Variants in ADAMTSL1 observed in about 807,000 individuals in gnomAD.
ADAMTSL1 encodes the protein ADAMTS-like protein 1.
ADAMTSL1 carries 126 observed loss-of-function variants against 201.8 expected under a neutral mutation model. That is an observed-to-expected ratio of 0.62 (90% CI 0.54 to 0.72). The LOEUF (loss-of-function observed/expected upper bound fraction) is 0.72, where lower values mean the gene tolerates loss of function less well. Among genes scored for constraint, ADAMTSL1 ranks in the 30% least tolerant of loss-of-function variants. The pLI, the probability that ADAMTSL1 is intolerant of heterozygous loss-of-function variation, is 0.00. For synonymous variants in ADAMTSL1, 1,121 were observed against 903.4 expected, an observed-to-expected ratio of 1.24 and a Z score of -4.32; for missense variants, 2,679 against 2,277.8, an observed-to-expected ratio of 1.18 and a Z score of -3.59.
intron 23 of ADAMTSL1, among the ~76,000 whole-genome samples, chr9:18,849,159 A>T (rs1044894615): frequency 6.6e-5 from 10 of 152,300 alleles, no homozygotes; most frequent in African/African-American, 2.4e-4. Context: ...GGTCCTGGGG[A>T]TAGAAGAGGC....
rs7852445 is a variant in ADAMTSL1, at chr9:18,203,456, T to G, written c.207+39475T>G. On this transcript the variant is annotated intron_variant, in intron 2 of 29. Coordinates refer to the ADAMTSL1 transcript ENST00000680146. ...GGTCTATGTAATAGAGGAGATTGAC[T>G]AGTATAGAAAGGCAGGCAGATAACT... 5.5e-3 allele frequency among the ~76,000 whole-genome samples: 828 copies of G among 151,558 alleles called. 12 individuals carry two copies. The highest frequency in any genetic ancestry group is 0.018 in the African/African-American group (760 of 41,290).
intron 2 of ADAMTSL1, among the ~76,000 whole-genome samples, chr9:18,205,069 A>G (rs546523489): frequency 5.9e-5 from 9 of 152,236 alleles, no homozygotes; most frequent in African/African-American, 2.2e-4. Context: ...AGCCACCAGG[A>G]TAAGTTCTGG....
At chr9:18,808,239 C>G (rs890087441) in intron 20 of ADAMTSL1, among the ~76,000 whole-genome samples, 19 of 152,314 alleles carry the variant, frequency 1.2e-4, no homozygotes, top group African/African-American at 4.6e-4. Flanking sequence ...TGTACCCTGT[C>G]ACCTGAGATT....
intron 4 of ADAMTSL1, among the ~76,000 whole-genome samples, chr9:18,594,684 T>C (rs1162636040): frequency 6.6e-6 from 1 of 152,212 alleles, no homozygotes; most frequent in Non-Finnish European, 1.5e-5. Flanking sequence ...ATTTCTCTAT[T>C]TAATTTCTCT....
chr9:18,083,072 G>A (rs925434922), intron 1 of ADAMTSL1, among the ~76,000 whole-genome samples: 9 of 152,192 alleles, frequency 5.9e-5, no homozygotes, highest in African/African-American at 1.9e-4. Context: ...TTGCAATAGC[G>A]TTATAGAGGA....
intron 2 of ADAMTSL1, among the ~76,000 whole-genome samples, chr9:18,394,353 C>T (rs539092156): frequency 6.6e-6 from 1 of 152,170 alleles, no homozygotes; most frequent in Non-Finnish European, 1.5e-5. Flanking sequence ...CACAGCACTG[C>T]TTTTTGGTCC....
At chr9:18,305,088 C>T (rs867350262) in intron 2 of ADAMTSL1, among the ~76,000 whole-genome samples, 12 of 152,060 alleles carry the variant, frequency 7.9e-5, no homozygotes, top group South Asian at 4.1e-4. Context: ...ATTGCCTCAC[C>T]GGGAAAGTAC....
chr9:18,318,343 G>T (rs1464850565), intron 2 of ADAMTSL1, among the ~76,000 whole-genome samples: 1 of 152,108 alleles, frequency 6.6e-6, no homozygotes, highest in Non-Finnish European at 1.5e-5. Flanking sequence ...TCAAACTGTG[G>T]TCTGTGTCTG....
At chr9:17,944,284 A>G (rs1327290554) in intron 1 of ADAMTSL1, among the ~76,000 whole-genome samples, 1 of 152,184 alleles carries the variant, frequency 6.6e-6, no homozygotes, top group Non-Finnish European at 1.5e-5. Context: ...TTCAAGGAGA[A>G]CTACAAACCA....
Position 18,174,411 on chromosome 9 carries a change from T to A in ADAMTSL1, c.207+10430T>A, listed in dbSNP as rs189851147. Among the ~76,000 whole-genome samples, 14 of 152,188 alleles carry A rather than the reference T, an allele frequency of 9.2e-5. 1 individual carries two copies. Among genetic ancestry groups the A allele is most frequent in the Admixed American group, 5.2e-4 (8 of 15,294 alleles). On this transcript the variant is annotated intron_variant, in intron 2 of 29. Transcript: ENST00000680146. ...GAACAAGGTCATTTGGCATCAGAGGTCTGCACAGAGGGGTGCTGAGTAGAA... is the reference window on the plus strand; with the variant it reads ...GAACAAGGTCATTTGGCATCAGAGGACTGCACAGAGGGGTGCTGAGTAGAA...
chr9:18,271,379 A>G (rs1832358637), intron 2 of ADAMTSL1, among the ~76,000 whole-genome samples: 1 of 151,864 alleles, frequency 6.6e-6, no homozygotes, highest in South Asian at 2.1e-4. Context: ...CCTGTGTCCA[A>G]GTGTTCTCAT....
chr9:18,453,173 G>A (rs1443004056), intron 2 of ADAMTSL1, among the ~76,000 whole-genome samples: 1 of 152,200 alleles, frequency 6.6e-6, no homozygotes, highest in Non-Finnish European at 1.5e-5. Context: ...CAGAGCAGTA[G>A]GATGAGCCTC....
At chr9:18,117,485 A>G (rs1315393402) in intron 1 of ADAMTSL1, among the ~76,000 whole-genome samples, 2 of 152,104 alleles carry the variant, frequency 1.3e-5, no homozygotes, top group Non-Finnish European at 2.9e-5. Context: ...AGATACACCC[A>G]AGACAAATTC....
chr9:18,203,292 C>G (rs1031245962), intron 2 of ADAMTSL1, among the ~76,000 whole-genome samples: 2 of 152,022 alleles, frequency 1.3e-5, no homozygotes, highest in African/African-American at 2.4e-5. Flanking sequence ...CGCTTCTGCC[C>G]AGACATGAGT....
At chr9:18,488,656 C>T (rs1366303404) in intron 1 of ADAMTSL1, among the ~76,000 whole-genome samples, 2 of 152,182 alleles carry the variant, frequency 1.3e-5, no homozygotes, top group African/African-American at 2.4e-5. Context: ...ACAAGTCATG[C>T]AACCTACTCA....
chr9:18,356,941 A>G (rs1482408186), intron 2 of ADAMTSL1, among the ~76,000 whole-genome samples: 1 of 152,146 alleles, frequency 6.6e-6, no homozygotes, highest in Non-Finnish European at 1.5e-5. Flanking sequence ...TCCTAGTACA[A>G]CTTGTCCTGG....
chr9:18,076,336 T>A (rs1823223277), intron 1 of ADAMTSL1, among the ~76,000 whole-genome samples: 1 of 152,344 alleles, frequency 6.6e-6, no homozygotes, highest in Non-Finnish European at 1.5e-5. Flanking sequence ...GTCTAGGTAT[T>A]GTCCTCCTCG....
intron 1 of ADAMTSL1, among the ~76,000 whole-genome samples, chr9:17,962,918 C>T (rs185767554): frequency 1.5e-3 from 235 of 152,306 alleles, no homozygotes; most frequent in African/African-American, 5.2e-3. Context: ...GGTTGGTATT[C>T]AGGGAGCCAC....
intron 23 of ADAMTSL1, among the ~76,000 whole-genome samples, chr9:18,833,460 C>T (rs1588191592): frequency 1.3e-5 from 2 of 152,076 alleles, no homozygotes; most frequent in Admixed American, 6.6e-5. Context: ...TAATCAGTGA[C>T]GTTGAGTTTT....
Sources: allele counts gnomAD v4.1 joint callset (sites outside exome capture counted in the v4.1 genomes callset), GRCh38; gene constraint gnomAD v4.1.1; transcripts MANE v1.5; gene names NCBI Gene and HGNC (gene_info 2026-07-23, HGNC 2026-07-21).